Variants in DCLK1 observed in about 807,000 individuals in gnomAD.
The protein encoded by DCLK1 is doublecortin like kinase 1.
In DCLK1, 16 loss-of-function variants were observed where a neutral mutation model predicts 86.2. The observed-to-expected ratio is 0.19, with a 90% CI of 0.13 to 0.28. The LOEUF (loss-of-function observed/expected upper bound fraction) is 0.28. Ranked by LOEUF, DCLK1 falls within the 10% of genes least tolerant of loss-of-function variation. The pLI, the probability that DCLK1 is intolerant of heterozygous loss-of-function variation, is 1.00. For synonymous variants in DCLK1, 369 were observed against 370.5 expected (o/e 1.00, Z 0.05); for missense variants, 590 against 940.2 (o/e 0.63, Z 4.87).
chr13:35,957,581 T>C (rs1878059796), intron 3 of DCLK1, among the ~76,000 whole-genome samples: 1 of 152,164 alleles, frequency 6.6e-6, no homozygotes, highest in Non-Finnish European at 1.5e-5. Flanking sequence ...TGGCATATAT[T>C]TGAGAGCTAA....
intron 3 of DCLK1, among the ~76,000 whole-genome samples, chr13:36,050,042 G>A (rs1883068086): frequency 6.6e-6 from 1 of 152,116 alleles, no homozygotes; most frequent in South Asian, 2.1e-4. Context: ...AACTGGCTCA[G>A]AAAATTCTGG....
Position 36,026,252 on chromosome 13 carries a change from AAGAATATGCT to A in DCLK1, c.724-78805_724-78796del, listed in dbSNP as rs1882031090. Among the ~76,000 whole-genome samples, 3 of 152,176 alleles carry A rather than the reference AAGAATATGCT, an allele frequency of 2.0e-5. No homozygotes were observed. The South Asian group carries it at 6.2e-4, about 32-fold the overall frequency. On this transcript the variant is annotated intron_variant, in intron 3 of 16. Coordinates refer to ENST00000360631, the MANE Select transcript of DCLK1 (RefSeq NM_001330071.2). The stretch of plus-strand genomic sequence containing the variant: ...AACCTGACACTTGTCAGCTTTTTTA[AAGAATATGCT>A]AGAGCAGTGAATATTGAAAGATGGC...
At chr13:35,836,852 C>G (rs1869421385) in intron 7 of DCLK1, among the ~76,000 whole-genome samples, 1 of 152,104 alleles carries the variant, frequency 6.6e-6, no homozygotes, top group Middle Eastern at 3.2e-3. Context: ...TTACAAATGC[C>G]TAATAATGCT....
rs145217055 is a variant in DCLK1, at chr13:35,980,227, G to A, written c.724-32770C>T. ...TCCTAGCAATGTGGGAGGCCAAGGC[G>A]GGAGGATTGCTTGAGCTCAGGAGTT... On this transcript the variant is annotated intron_variant, in intron 3 of 16. Transcript: ENST00000360631. Among the ~76,000 whole-genome samples the A allele has an allele frequency of 3.0e-3, 458 of 152,282 alleles. 4 individuals carry two copies. Among genetic ancestry groups the A allele is most frequent in the African/African-American group, 0.01 (432 of 41,564 alleles).
intron 6 of DCLK1, among the ~76,000 whole-genome samples, chr13:35,841,709 T>A (rs1398854084): frequency 6.6e-6 from 1 of 152,022 alleles, no homozygotes; most frequent in Admixed American, 6.6e-5. Flanking sequence ...TCATACAGAG[T>A]TCTCTGAAAA....
intron 3 of DCLK1, among the ~76,000 whole-genome samples, chr13:35,980,031 C>T (rs1333685696): frequency 6.6e-6 from 1 of 152,198 alleles, no homozygotes; most frequent in East Asian, 1.9e-4. Flanking sequence ...ATAAAGATCT[C>T]CTGCCTTAAA....
At chr13:35,956,837 A>G (rs1878014159) in intron 3 of DCLK1, among the ~76,000 whole-genome samples, 1 of 152,206 alleles carries the variant, frequency 6.6e-6, no homozygotes, top group South Asian at 2.1e-4. Context: ...AATAGGAAGA[A>G]TTGTTGTAAA....
intron 3 of DCLK1, among the ~76,000 whole-genome samples, chr13:35,968,605 A>G (rs1878898283): frequency 6.6e-6 from 1 of 152,138 alleles, no homozygotes; most frequent in African/African-American, 2.4e-5. Context: ...AGCCCACCTG[A>G]CTGTTGATCT....
intron 16 of DCLK1, among the ~76,000 whole-genome samples, chr13:35,781,254 G>T (rs1169007481): frequency 1.3e-5 from 2 of 152,184 alleles, no homozygotes; most frequent in African/African-American, 4.8e-5. Context: ...GCAGTAGGTG[G>T]AAGTCAGGAG....
At chr13:35,869,113 G>C (rs772271306) in intron 5 of DCLK1, 2 of 511,706 alleles carry the variant, frequency 3.9e-6, no homozygotes, top group African/African-American at 3.9e-5. Flanking sequence ...TTTAATCAGA[G>C]AAAGTGAGAA....
At chr13:36,034,813 C>T (rs1243839986) in intron 3 of DCLK1, among the ~76,000 whole-genome samples, 1 of 152,096 alleles carries the variant, frequency 6.6e-6, no homozygotes, top group Admixed American at 6.5e-5. Context: ...ATATATTTAA[C>T]AAGAATCAGG....
At chr13:35,783,287 C>T (rs928000681) in intron 16 of DCLK1, among the ~76,000 whole-genome samples, 2 of 151,740 alleles carry the variant, frequency 1.3e-5, no homozygotes, top group African/African-American at 4.9e-5. Context: ...GTGATTTGCT[C>T]TTGGAAGTGA....
At chr13:35,959,012 T>C (rs1182001586) in intron 3 of DCLK1, among the ~76,000 whole-genome samples, 1 of 152,156 alleles carries the variant, frequency 6.6e-6, no homozygotes, top group Admixed American at 6.5e-5. Context: ...TAAAAAAAAG[T>C]ACAGTTCAAA....
At chr13:35,866,041 C>T (rs1166207256) in intron 5 of DCLK1, among the ~76,000 whole-genome samples, 1 of 152,068 alleles carries the variant, frequency 6.6e-6, no homozygotes. Context: ...CAAGGACTGC[C>T]AGCCTTGTGT....
In DCLK1 at chr13:35,848,451, G is replaced by T. The variant is rs1223204912; in HGVS notation, c.1035+6048C>A. ...AAAGTAAATGATATATATAGCCCCT[G>T]AACAGTCCTTTAATAGAAGTCATAT... On this transcript the variant is annotated intron_variant, in intron 6 of 16. Coordinates refer to ENST00000360631, the MANE Select transcript of DCLK1 (RefSeq NM_001330071.2). The T allele has an allele frequency of 3.0e-6, 3 of 985,166 alleles. No individual in the cohort carries two copies. In the African/African-American group the frequency reaches 5.2e-5, roughly 17 times the overall value. 61.0% of individuals were successfully genotyped at this position (985,166 alleles called of 1,614,324 possible). A position where few individuals can be genotyped will look rare whatever the true frequency, so the allele number is the denominator to read the frequency against.
intron 15 of DCLK1, among the ~76,000 whole-genome samples, chr13:35,798,250 T>C (rs1344603757): frequency 6.6e-6 from 1 of 152,200 alleles, no homozygotes; most frequent in Non-Finnish European, 1.5e-5. Context: ...GGATGTGAAG[T>C]CACTCTGTAG....
chr13:35,908,416 T>C (rs1304695191), intron 4 of DCLK1, among the ~76,000 whole-genome samples: 1 of 152,208 alleles, frequency 6.6e-6, no homozygotes, highest in Non-Finnish European at 1.5e-5. Flanking sequence ...ACCTGGATTA[T>C]GCTAATTCTT....
intron 6 of DCLK1, among the ~76,000 whole-genome samples, chr13:35,851,995 A>ATGTGTGTGTGTGTG (rs1555344390): frequency 2.1e-5 from 3 of 143,544 alleles, no homozygotes; most frequent in African/African-American, 7.6e-5. Context: ...ATGTGTGTGT[A>ATGTGTGTGTGTGTG]TGTGTGTGTG....
intron 3 of DCLK1, among the ~76,000 whole-genome samples, chr13:36,086,749 C>T (rs1443672406): frequency 6.6e-6 from 1 of 152,086 alleles, no homozygotes; most frequent in African/African-American, 2.4e-5. Context: ...TGTTAGTTTG[C>T]TGAGAATGAT....
Sources: allele counts gnomAD v4.1 joint callset (sites outside exome capture counted in the v4.1 genomes callset), GRCh38; gene constraint gnomAD v4.1.1; transcripts MANE v1.5; gene names NCBI Gene and HGNC (gene_info 2026-07-23, HGNC 2026-07-21).